DMXL2: variants seen among roughly 807,000 people sequenced by gnomAD.
The protein encoded by DMXL2 is dmX-like protein 2.
DMXL2 carries 103 observed loss-of-function variants against 331.1 expected under a neutral mutation model. The ratio of observed to expected loss-of-function variants is 0.31; its 90% CI spans 0.27 to 0.37. The LOEUF is 0.37. DMXL2 is among the 10% of genes least tolerant of loss of function. The pLI is 1.00. For synonymous variants in DMXL2, 1,281 were observed against 1,252.1 expected (o/e 1.02, Z -0.49); for missense variants, 3,171 against 3,642.9 (o/e 0.87, Z 3.33).
chr15:51,506,072 T>C (rs1298855803), intron 16 of DMXL2, among the ~76,000 whole-genome samples: 1 of 152,224 alleles, frequency 6.6e-6, no homozygotes, highest in East Asian at 1.9e-4. Flanking sequence ...TTGCATTTCT[T>C]TTTTTGAAAT....
Position 51,612,016 on chromosome 15 carries a change from T to A in DMXL2, c.87+10443A>T, listed in dbSNP as rs368982976. On this transcript the variant is annotated intron_variant, in intron 1 of 43. Transcript: ENST00000560891. ...TTTTGCTTTGCACAGTAAACCTTGC[T>A]ACCACTCTTTCTTTGGGTCCATGCC... Among the ~76,000 whole-genome samples, 17 of 152,310 alleles carry A rather than the reference T, an allele frequency of 1.1e-4. No homozygotes were observed. The East Asian group carries it at 1.7e-3, about 16-fold the overall frequency.
chr15:51,613,616 T>G (rs1841242970), intron 1 of DMXL2, among the ~76,000 whole-genome samples: 1 of 152,222 alleles, frequency 6.6e-6, no homozygotes, highest in Non-Finnish European at 1.5e-5. Context: ...TCAACACTGT[T>G]GGAATTATAA....
intron 1 of DMXL2, among the ~76,000 whole-genome samples, chr15:51,605,764 C>G (rs1435577917): frequency 2.1e-5 from 1 of 46,834 alleles, no homozygotes; most frequent in African/African-American, 6.2e-5. Context: ...AGGATGGTCT[C>G]GATCTCCTGA....
chr15:51,562,833 G>C (rs1278732402), intron 6 of DMXL2, among the ~76,000 whole-genome samples: 1 of 152,174 alleles, frequency 6.6e-6, no homozygotes, highest in Non-Finnish European at 1.5e-5. Context: ...ATGTGAAGAT[G>C]ATGTTGGGGA....
In DMXL2 at chr15:51,471,291, C is replaced by T; in HGVS notation, c.7324G>A (p.Glu2442Lys). 6.2e-7 allele frequency: 1 copy of T among 1,614,070 alleles called. No homozygotes were observed. Among genetic ancestry groups the T allele is most frequent in the Non-Finnish European group, 8.5e-7 (1 of 1,179,972 alleles). Residue 2442 changes from glutamate to lysine, a missense_variant, in exon 29 of 44, where the codon GAA becomes AAA. Coordinates refer to ENST00000560891, the MANE Select transcript of DMXL2 (RefSeq NM_001378457.1). ...KDATPPPVPA[E>K]RPSYKEKFIP... The stretch of plus-strand genomic sequence containing the variant: ...AATTTTTCTTTGTAAGATGGTCTTT[C>T]TGCAGGCACCGGTGGTGGGGTAGCA...
chr15:51,486,446 GC>G, intron 22 of DMXL2, 109 bp from the exon 23 acceptor site: 1 of 851,292 alleles, frequency 1.2e-6, no homozygotes, highest in Non-Finnish European at 1.8e-6. Context: ...CTAATGGTGG[GC>G]GAAGGGACAG....
At chr15:51,471,945 G>T (rs1384908539) in intron 28 of DMXL2, among the ~76,000 whole-genome samples, 1 of 152,130 alleles carries the variant, frequency 6.6e-6, no homozygotes, top group Admixed American at 6.5e-5. Context: ...CTATGAACCT[G>T]GGAACTTATG....
At chr15:51,547,537 C>T (rs1219924016) in intron 6 of DMXL2, 129 bp from the exon 7 acceptor site, 2 of 527,514 alleles carry the variant, frequency 3.8e-6, no homozygotes, top group Non-Finnish European at 6.2e-6. Flanking sequence ...TAATACAAAA[C>T]TTATCTCAAA....
At chr15:51,608,143 C>G (rs2053714857) in intron 1 of DMXL2, among the ~76,000 whole-genome samples, 1 of 151,938 alleles carries the variant, frequency 6.6e-6, no homozygotes. Flanking sequence ...CAAGATCACA[C>G]CACTACACTC....
chr15:51,450,115 T>G lies in DMXL2; in HGVS notation c.8967+14A>C, dbSNP rs190868676. Reference sequence around the variant, plus strand: ...TCAGTCTTTAGCACATTCCAACCTCTTGTACTGACTCACCTTTATGTTACC... The same window carrying G: ...TCAGTCTTTAGCACATTCCAACCTCGTGTACTGACTCACCTTTATGTTACC... On this transcript the variant is annotated intron_variant, in intron 43 of 43. Transcript: ENST00000560891. 6.2e-7 allele frequency: 1 copy of G among 1,612,170 alleles called. No homozygotes were observed. Among genetic ancestry groups the G allele is most frequent in the African/African-American group, 1.3e-5 (1 of 74,986 alleles).
chr15:51,537,674 G>A lies in DMXL2; in HGVS notation c.1431C>T (p.Tyr477=), dbSNP rs2140886960. The change falls in exon 11 of 44, where the codon TAC becomes TAT. Residue 477 remains tyrosine, a synonymous_variant. Coordinates refer to ENST00000560891, the MANE Select transcript of DMXL2 (RefSeq NM_001378457.1). ...DGEREGSPRT[Y]SRLSVPMPLP... is the part of the protein sequence containing the mutation. ...GTGGCATTGGTACACTAAGTCGTGA[G>A]TAAGTTCTAGGACTTCCTTCTCTTT... 1 of 1,613,886 alleles carries A rather than the reference G, an allele frequency of 6.2e-7. No homozygotes were observed.
At chr15:51,564,864 A>G (rs1243631941) in intron 4 of DMXL2, among the ~76,000 whole-genome samples, 1 of 152,110 alleles carries the variant, frequency 6.6e-6, no homozygotes, top group Non-Finnish European at 1.5e-5. Context: ...ACAAATCATA[A>G]CTGCTTCTTG....
At chr15:51,548,819 G>C (rs959790332) in intron 6 of DMXL2, among the ~76,000 whole-genome samples, 1 of 151,798 alleles carries the variant, frequency 6.6e-6, no homozygotes, top group Admixed American at 6.6e-5. Flanking sequence ...AATTACAGGG[G>C]AAATTTTAAA....
intron 20 of DMXL2, among the ~76,000 whole-genome samples, chr15:51,490,473 C>T (rs1050938638): frequency 6.6e-6 from 1 of 152,182 alleles, no homozygotes; most frequent in Non-Finnish European, 1.5e-5. Context: ...GATTGTACTC[C>T]AGGGAATTCC....
intron 1 of DMXL2, among the ~76,000 whole-genome samples, chr15:51,594,226 AG>A (rs1338369507): frequency 1.3e-5 from 2 of 152,356 alleles, no homozygotes; most frequent in East Asian, 3.8e-4. Flanking sequence ...AAAATGATAA[AG>A]GGGATATCAC....
intron 1 of DMXL2, among the ~76,000 whole-genome samples, chr15:51,581,684 T>C (rs967627093): frequency 2.6e-5 from 4 of 152,298 alleles, no homozygotes; most frequent in Non-Finnish European, 5.9e-5. Flanking sequence ...CTCAGATAAA[T>C]TGAAGTGGAG....
chr15:51,554,311 C>CA (rs899560368), intron 6 of DMXL2, among the ~76,000 whole-genome samples: 5 of 151,164 alleles, frequency 3.3e-5, no homozygotes, highest in African/African-American at 4.8e-5. Context: ...ATATGAGTAA[C>CA]AAAAAAAAGA....
rs749472696 is a variant in DMXL2 at position 51,536,459 on chromosome 15, A to G, written c.2021T>C (p.Leu674Pro). ...CTGACAATCTAATTCAGGAGTCAAT[A>G]GAGCATTATGATGAGAGGATGTCAA... Reference protein sequence around the residue: ...LLLTSSHHNALLTPELDCQWD... With the variant: ...LLLTSSHHNAPLTPELDCQWD... The change falls in exon 12 of 44, where the codon CTA (leucine) becomes CCA (proline). Residue 674 changes from leucine to proline, a missense_variant. Transcript: ENST00000560891. 1 of 1,614,080 alleles carries G rather than the reference A, an allele frequency of 6.2e-7. No homozygotes were observed. The highest frequency in any genetic ancestry group is 1.1e-5 in the South Asian group (1 of 91,078).
chr15:51,615,265 G>C (rs951827429), intron 1 of DMXL2, among the ~76,000 whole-genome samples: 1 of 152,198 alleles, frequency 6.6e-6, no homozygotes, highest in African/African-American at 2.4e-5. Flanking sequence ...ATTAAGCATG[G>C]TAGGAGAAAA....
Sources: gnomAD v4.1 joint callset for allele counts (sites outside exome capture counted in the v4.1 genomes callset) on GRCh38, gnomAD v4.1.1 for gene constraint, MANE v1.5 for transcripts, NCBI Gene and HGNC (gene_info 2026-07-23, HGNC 2026-07-21) for gene names.